Variants in KIFC1 observed in about 807,000 individuals in gnomAD.
KIFC1 encodes kinesin-like protein KIFC1.
Under a neutral mutation model 66.6 loss-of-function variants are expected in KIFC1, and 37 were observed. That is an observed-to-expected ratio of 0.56 (90% CI 0.43 to 0.73). KIFC1 has a LOEUF of 0.73. Ranked by LOEUF, KIFC1 falls within the 30% of genes least tolerant of loss-of-function variation. The pLI, the probability that KIFC1 is intolerant of heterozygous loss-of-function variation, is 0.00. For missense variants in KIFC1, 721 were observed against 859.8 expected (o/e 0.84, Z 2.02); for synonymous variants, 325 against 343.5 (o/e 0.95, Z 0.60).
At chr6:33,395,558 C>T (rs1774990040) in intron 1 of KIFC1, among the ~76,000 whole-genome samples, 1 of 152,184 alleles carries the variant, frequency 6.6e-6, no homozygotes, top group South Asian at 2.1e-4. Flanking sequence ...GCTTATGCTT[C>T]TCACTGTGGA....
Position 33,400,732 on chromosome 6 carries a change from C to T in KIFC1, c.250+2345C>T, listed in dbSNP as rs1208696303. On this transcript the variant is annotated intron_variant, in intron 3 of 10. Transcript: ENST00000428849. The surrounding 1 kb of genome is among the most constrained non-coding windows in gnomAD (Gnocchi z 4.3). ...CACAATCTCGGCTCACTGCAAGCTC[C>T]GCCTCCCGGGTTCCCGCCATTTTCC... is the stretch of plus-strand genomic sequence containing the variant. Among the ~76,000 whole-genome samples the T allele has an allele frequency of 1.3e-5, 2 of 152,126 alleles. No individual in the cohort carries two copies. Among genetic ancestry groups the T allele is most frequent in the Admixed American group, 6.5e-5 (1 of 15,280 alleles).
Position 33,403,914 on chromosome 6 carries a change from C to A in KIFC1, c.541C>A (p.Leu181Met), listed in dbSNP as rs754621727. Residue 181 changes from leucine (L) to methionine (M), a missense_variant, in exon 6 of 11, where the codon CTG becomes ATG. By Grantham distance (15) the Leu-to-Met change is conservative. Coordinates refer to ENST00000428849, the MANE Select transcript of KIFC1 (RefSeq NM_002263.4). The surrounding 1 kb of genome is among the most constrained non-coding windows in gnomAD (Gnocchi z 4.6). ...LRDAQQQVKALGTERTTLEGH... is the reference protein window; with the variant it reads ...LRDAQQQVKAMGTERTTLEGH... ...AGATGCCCAGCAGCAGGTCAAGGCC[C>A]TGGGGACAGAGCGCACAACACTGGA... The A allele has an allele frequency of 6.2e-7, 1 of 1,614,232 alleles. No individual in the cohort carries two copies. Among genetic ancestry groups the A allele is most frequent in the South Asian group, 1.1e-5 (1 of 91,088 alleles).
chr6:33,398,300 G>A lies in KIFC1; in HGVS notation c.163G>A (p.Gly55Ser). 1 of 1,614,084 alleles carries A rather than the reference G, an allele frequency of 6.2e-7. No homozygotes were observed. Among genetic ancestry groups the A allele is most frequent in the Non-Finnish European group, 8.5e-7 (1 of 1,180,012 alleles). Residue 55 changes from glycine to serine, a missense_variant, in exon 3 of 11, where the codon GGC becomes AGC. Coordinates refer to ENST00000428849, the MANE Select transcript of KIFC1 (RefSeq NM_002263.4). ...GLEPEKKRTRGLGATTKITTS... is the reference protein window; with the variant it reads ...GLEPEKKRTRSLGATTKITTS... The stretch of plus-strand genomic sequence containing the variant: ...TATCTTTCCCCAGAAACGGACAAGA[G>A]GCCTGGGTGCAACGACCAAAATTAC...
chr6:33,392,067 C>T, intron 1 of KIFC1, 70 bp downstream of exon 1: 2 of 1,542,922 alleles, frequency 1.3e-6, no homozygotes, highest in Admixed American at 3.4e-5. Context: ...GATGCTGTCG[C>T]GCCCCCGGCT....
intron 3 of KIFC1, among the ~76,000 whole-genome samples, chr6:33,402,439 C>T (rs568960125): frequency 2.6e-5 from 4 of 152,040 alleles, no homozygotes; most frequent in Admixed American, 6.6e-5. Context: ...AAAGTATATG[C>T]GGCTGGATGT....
chr6:33,391,869 G>A lies in KIFC1; in HGVS notation c.-117G>A. ...TGGCGCGGGGCTGGTAGCGGCCGGA[G>A]CCGTGCGAGTTCTCTACCCTGCTTC... On this transcript the variant is annotated 5_prime_UTR_variant, in exon 1 of 11. Transcript: ENST00000428849. 1.6e-6 allele frequency: 2 copies of A among 1,267,918 alleles called. No homozygotes were observed. The highest frequency in any genetic ancestry group is 2.3e-6 in the Non-Finnish European group (2 of 887,312). 78.5% of individuals were successfully genotyped at this position (1,267,918 alleles called of 1,614,324 possible).
At position 33,398,043 on chromosome 6, in the gene KIFC1, G is replaced by A. The variant is rs371607857; in HGVS notation, c.27G>A (p.Leu9=). Residue 9 remains leucine (L), a synonymous_variant, in exon 2 of 11, where the codon TTG becomes TTA. Coordinates refer to ENST00000428849, the MANE Select transcript of KIFC1 (RefSeq NM_002263.4). MDPQRSPL[L]EVKGNIELKR... is the part of the protein sequence containing the mutation. ...TTTCCCAACAGAGGTCCCCCCTATT[G>A]GAAGTAAAGGGGAACATAGAACTGA... The A allele has an allele frequency of 3.7e-6, 6 of 1,613,870 alleles. No individual in the cohort carries two copies. Among genetic ancestry groups the A allele is most frequent in the African/African-American group, 1.3e-5 (1 of 74,858 alleles).
rs1187458313 is a variant in KIFC1 at position 33,400,277 on chromosome 6, TC to T, written c.250+1891del. 1.9e-6 allele frequency: 3 copies of T among 1,572,026 alleles called. No individual in the cohort carries two copies. On this transcript the variant is annotated intron_variant, in intron 3 of 10. Transcript: ENST00000428849. This position sits in a 1 kb window ranked among gnomAD's most constrained non-coding sequence, Gnocchi z 4.3. ...CCATTGTGTTTAATGTTTTTCTGTT[TC>T]TTTCTGTCTCTTGGTGGTTTCTTGA...
Position 33,391,942 on chromosome 6 carries a change from C to T in KIFC1, c.-44C>T, listed in dbSNP as rs754623697. 34 of 1,613,482 alleles carry T rather than the reference C, an allele frequency of 2.1e-5. No individual in the cohort carries two copies. The highest frequency in any genetic ancestry group is 5.0e-5 in the Admixed American group (3 of 60,004). On this transcript the variant is annotated 5_prime_UTR_variant, in exon 1 of 11. Coordinates refer to ENST00000428849, the MANE Select transcript of KIFC1 (RefSeq NM_002263.4). ...GTCCCAGGATCCCCGGCACCCAGTT[C>T]TCTTCCACTGCATTCCCCCGGCGCG... is the stretch of plus-strand genomic sequence containing the variant.
Position 33,391,929 on chromosome 6 carries a change from C to A in KIFC1, c.-57C>A. On this transcript the variant is annotated 5_prime_UTR_variant, in exon 1 of 11. Transcript: ENST00000428849. The stretch of plus-strand genomic sequence containing the variant: ...CGAGAGAACGCGAGTCCCAGGATCC[C>A]CGGCACCCAGTTCTCTTCCACTGCA... The A allele has an allele frequency of 6.2e-7, 1 of 1,610,430 alleles. No individual in the cohort carries two copies. The highest frequency in any genetic ancestry group is 8.5e-7 in the Non-Finnish European group (1 of 1,177,056).
At chr6:33,394,287 T>C (rs535616973) in intron 1 of KIFC1, among the ~76,000 whole-genome samples, 1 of 152,208 alleles carries the variant, frequency 6.6e-6, no homozygotes, top group Non-Finnish European at 1.5e-5. Context: ...GATTGGATTC[T>C]GGATATATTT....
chr6:33,404,778 C>T lies in KIFC1; in HGVS notation c.757-74C>T. Reference sequence around the variant, plus strand: ...GCAGGGACCTCACTTCCACCCACTCCATACGCCCCACAGTTTGTTCTTCTT... The same window carrying T: ...GCAGGGACCTCACTTCCACCCACTCTATACGCCCCACAGTTTGTTCTTCTT... On this transcript the variant is annotated intron_variant, in intron 6 of 10. Transcript: ENST00000428849. The surrounding 1 kb of genome is among the most constrained non-coding windows in gnomAD (Gnocchi z 4.0). 1 of 1,424,484 alleles carries T rather than the reference C, an allele frequency of 7.0e-7. No homozygotes were observed. The highest frequency in any genetic ancestry group is 2.3e-5 in the East Asian group (1 of 43,570). The allele number at this position is 1,424,484 out of a possible 1,614,324, so 88.2% of individuals were successfully genotyped here.
Position 33,403,734 on chromosome 6 carries a change from G to A in KIFC1, c.361G>A (p.Gly121Ser). 1 of 1,611,732 alleles carries A rather than the reference G, an allele frequency of 6.2e-7. No individual in the cohort carries two copies. Among genetic ancestry groups the A allele is most frequent in the Non-Finnish European group, 8.5e-7 (1 of 1,178,616 alleles). ...CCTTTCTGTGTTCATCTTAGCATCA[G>A]GTGTTCCTCCCATGGCAGGAGGGAA... ...AVPVQKSGTS[G>S]VPPMAGGKKP... Residue 121 changes from glycine (G) to serine (S), a missense_variant, in exon 6 of 11, where the codon GGT becomes AGT. By Grantham distance (56) the Gly-to-Ser change is moderately conservative (BLOSUM62 0). Transcript: ENST00000428849. The surrounding 1 kb of genome is among the most constrained non-coding windows in gnomAD (Gnocchi z 4.6).
chr6:33,405,523 A>C lies in KIFC1; in HGVS notation c.1428A>C (p.Gly476=), dbSNP rs1368582689. 1 of 1,612,098 alleles carries C rather than the reference A, an allele frequency of 6.2e-7. No individual in the cohort carries two copies. The highest frequency in any genetic ancestry group is 1.3e-5 in the African/African-American group (1 of 75,018). Reference sequence around the variant, plus strand: ...CTGTCCGGGACCTGCTGGCCACTGGAACCCGGAAGGGTCAAGGGGGCGAGT... The same window carrying C: ...CTGTCCGGGACCTGCTGGCCACTGGCACCCGGAAGGGTCAAGGGGGCGAGT... ...NETVRDLLAT[G]TRKGQGGECE... The change falls in exon 7 of 11, where the codon GGA becomes GGC. Residue 476 remains glycine (G), a synonymous_variant. Transcript: ENST00000428849. The surrounding 1 kb of genome is among the most constrained non-coding windows in gnomAD (Gnocchi z 5.4).
chr6:33,400,601 G>T lies in KIFC1; in HGVS notation c.250+2214G>T. On this transcript the variant is annotated intron_variant, in intron 3 of 10. Coordinates refer to ENST00000428849, the MANE Select transcript of KIFC1 (RefSeq NM_002263.4). The surrounding 1 kb of genome is among the most constrained non-coding windows in gnomAD (Gnocchi z 4.3). ...GGATGAACCCAGATTCAGGATGACC[G>T]AAGAAAGTTGCACCTTGGCCTCCTC... 9.9e-7 allele frequency: 1 copy of T among 1,013,580 alleles called. No homozygotes were observed. The highest frequency in any genetic ancestry group is 1.5e-6 in the Non-Finnish European group (1 of 664,514). The allele number at this position is 1,013,580 out of a possible 1,614,324, so 62.8% of individuals were successfully genotyped here.
At chr6:33,396,432 TTTTC>T (rs1324229092) in intron 1 of KIFC1, among the ~76,000 whole-genome samples, 10 of 125,392 alleles carry the variant, frequency 8.0e-5, no homozygotes, top group African/African-American at 2.7e-4. Context: ...CTTTCTTTTC[TTTTC>T]TTTTTTTTTT....
chr6:33,394,823 G>A (rs996127714), intron 1 of KIFC1, among the ~76,000 whole-genome samples: 7 of 152,216 alleles, frequency 4.6e-5, no homozygotes, highest in African/African-American at 1.7e-4. Flanking sequence ...ATAGGTGCAG[G>A]ATCGAGGTCT....
intron 3 of KIFC1, among the ~76,000 whole-genome samples, chr6:33,402,848 G>A (rs1361737245): frequency 6.6e-6 from 1 of 152,076 alleles, no homozygotes; most frequent in Non-Finnish European, 1.5e-5. Context: ...TTAGTTGGGC[G>A]TGGTGGCGCA....
rs756550103 is a variant in KIFC1 at position 33,391,989 on chromosome 6, G to A, written c.4G>A (p.Asp2Asn). 5.6e-6 allele frequency: 9 copies of A among 1,613,970 alleles called. No individual in the cohort carries two copies. Among genetic ancestry groups the A allele is most frequent in the Non-Finnish European group, 7.6e-6 (9 of 1,179,946 alleles). MDPQRSPLLEVK... is the reference protein window; with the variant it reads MNPQRSPLLEVK... The stretch of plus-strand genomic sequence containing the variant: ...CGCGTGTGGGACCGAGGTGGACATG[G>A]ATCCGCAGGTGAGTAGGGGCGGCGC... Residue 2 changes from aspartate to asparagine, a missense_variant, in exon 1 of 11, where the codon GAT becomes AAT. Coordinates refer to ENST00000428849, the MANE Select transcript of KIFC1 (RefSeq NM_002263.4).
Sources: gnomAD v4.1 joint callset for allele counts (sites outside exome capture counted in the v4.1 genomes callset) on GRCh38, gnomAD v4.1.1 for gene constraint, Gnocchi (gnomAD v3.1) non-coding constraint, MANE v1.5 for transcripts, NCBI Gene and HGNC (gene_info 2026-07-23, HGNC 2026-07-21) for gene names.